Variants in AGBL1 observed in about 807,000 individuals in gnomAD.
AGBL1 encodes the protein AGBL carboxypeptidase 1, also known as cytosolic carboxypeptidase 4.
AGBL1 carries 130 observed loss-of-function variants against 118.9 expected under a neutral mutation model. The ratio of observed to expected loss-of-function variants is 1.09; its 90% CI spans 0.95 to 1.26. AGBL1 has a LOEUF of 1.26. Among genes scored for constraint, AGBL1 ranks in the 50% most tolerant of loss-of-function variants. The probability of loss-of-function intolerance (pLI) is 0.00; values close to 1 mark genes in which losing one functional copy is unlikely to be tolerated. For missense variants in AGBL1, 1,584 were observed against 1,298.1 expected (o/e 1.22, Z -3.38); for synonymous variants, 555 against 478.9 (o/e 1.16, Z -2.08).
intron 17 of AGBL1, among the ~76,000 whole-genome samples, chr15:86,369,080 A>C (rs868118811): frequency 2.6e-5 from 4 of 152,176 alleles, no homozygotes; most frequent in Admixed American, 1.3e-4. Flanking sequence ...AAAGTCTACC[A>C]ACAAGACCCT....
chr15:86,572,211 C>G (rs900143941), intron 21 of AGBL1, among the ~76,000 whole-genome samples: 1 of 151,510 alleles, frequency 6.6e-6, no homozygotes, highest in Non-Finnish European at 1.5e-5. Flanking sequence ...TTCCTGGGCC[C>G]CCAAGAACAG....
intron 21 of AGBL1, among the ~76,000 whole-genome samples, chr15:86,594,091 A>AT (rs960210173): frequency 2.4e-4 from 37 of 151,286 alleles, no homozygotes; most frequent in Admixed American, 7.3e-4. Context: ...ATGTCTGGCT[A>AT]TTTTTTTTAT....
chr15:86,349,845 A>G (rs868583112), intron 17 of AGBL1, among the ~76,000 whole-genome samples: 6 of 152,248 alleles, frequency 3.9e-5, no homozygotes, highest in Admixed American at 2.6e-4. Context: ...GGAAGGAAAG[A>G]GAAGCGTTCA....
chr15:86,284,191 T>TA (rs5814235), intron 16 of AGBL1, among the ~76,000 whole-genome samples: 2,687 of 142,808 alleles, frequency 0.019, 35 homozygotes, highest in Non-Finnish European at 0.021. Context: ...AAAATTAAAA[T>TA]AAAAAAAAAA....
intron 1 of AGBL1, among the ~76,000 whole-genome samples, chr15:86,134,730 C>G (rs943866759): frequency 2.7e-5 from 4 of 150,938 alleles, no homozygotes; most frequent in African/African-American, 7.3e-5. Context: ...TCTTCTGCCT[C>G]AGCCTCCCGA....
chr15:86,328,018 T>G (rs574060488), intron 17 of AGBL1, among the ~76,000 whole-genome samples: 6 of 152,244 alleles, frequency 3.9e-5, no homozygotes, highest in Admixed American at 6.5e-5. Context: ...AAGCCTCTGT[T>G]TTCCTCTTTC....
chr15:86,748,985 C>A (rs987892423), intron 22 of AGBL1, among the ~76,000 whole-genome samples: 4 of 152,050 alleles, frequency 2.6e-5, no homozygotes, highest in African/African-American at 9.7e-5. Context: ...ATTGTCTTGG[C>A]AATGTGGGCT....
chr15:86,982,832 G>A (rs994183920), intron 23 of AGBL1, among the ~76,000 whole-genome samples: 1 of 152,164 alleles, frequency 6.6e-6, no homozygotes, highest in Non-Finnish European at 1.5e-5. Context: ...GCTATGAGTA[G>A]TTAAGTTTCT....
intron 17 of AGBL1, among the ~76,000 whole-genome samples, chr15:86,356,355 T>TGTGTGC (rs151263305): frequency 0.024 from 3,561 of 150,980 alleles, 83 homozygotes; most frequent in African/African-American, 0.056. Flanking sequence ...TGTGTGTGTG[T>TGTGTGC]GCGCGTGCGC....
In AGBL1 at chr15:86,266,989, G is replaced by A; in HGVS notation, c.1752-1G>A. On this transcript the variant is annotated splice_acceptor_variant, in intron 12 of 22. Transcript: ENST00000614907. LOFTEE classifies it high-confidence loss of function. Reference sequence around the variant, plus strand: ...TTCACATGTTCCTTATTTCATTGTAGGCCTTTGCAAGACAATGCTTCCAAT... The same window carrying A: ...TTCACATGTTCCTTATTTCATTGTAAGCCTTTGCAAGACAATGCTTCCAAT... 6.4e-7 allele frequency: 1 copy of A among 1,564,938 alleles called. No individual in the cohort carries two copies. Among genetic ancestry groups the A allele is most frequent in the Non-Finnish European group, 8.7e-7 (1 of 1,152,794 alleles).
At chr15:86,520,023 C>G (rs2083166490) in intron 18 of AGBL1, among the ~76,000 whole-genome samples, 1 of 152,156 alleles carries the variant, frequency 6.6e-6, no homozygotes, top group African/African-American at 2.4e-5. Flanking sequence ...TCCAAGTACA[C>G]TGTTACTTAA....
At position 86,104,339 on chromosome 15, in the gene AGBL1, G is replaced by A. The variant is rs182002178; in HGVS notation, c.51+24316G>A. ...GGCTGTGTCATGGCCCTGCTGTTGG[G>A]TGGGTTGCTTTTAGTGGCAGCAGCC... On this transcript the variant is annotated intron_variant, in intron 1 of 22. Coordinates refer to ENST00000614907, the MANE Select transcript of AGBL1 (RefSeq NM_001386094.1). Among the ~76,000 whole-genome samples, 12 of 152,286 alleles carry A rather than the reference G, an allele frequency of 7.9e-5. No individual in the cohort carries two copies. In the East Asian group the frequency reaches 2.3e-3, roughly 29 times the overall value.
At chr15:86,823,865 A>C (rs539359988) in intron 22 of AGBL1, among the ~76,000 whole-genome samples, 1 of 152,168 alleles carries the variant, frequency 6.6e-6, no homozygotes, top group Non-Finnish European at 1.5e-5. Context: ...AAATTAACAA[A>C]ATTCAGTACC....
At chr15:86,616,089 C>T (rs375985743) in intron 21 of AGBL1, among the ~76,000 whole-genome samples, 18 of 152,104 alleles carry the variant, frequency 1.2e-4, no homozygotes, top group African/African-American at 4.1e-4. Flanking sequence ...GTAATCCCAG[C>T]GCTTTGGGAG....
At position 86,999,140 on chromosome 15, in the gene AGBL1, C is replaced by T. The variant is rs143466217; in HGVS notation, c.3323+11052C>T. ...TCGTCCTTCGATAGTTTGCTGAGAA[C>T]GATGGTTTCAAGCTTCATCCACGTC... On this transcript the variant is annotated intron_variant, in intron 24 of 24. Coordinates refer to the AGBL1 transcript ENST00000441037. 6.4e-3 allele frequency among the ~76,000 whole-genome samples: 964 copies of T among 149,958 alleles called. 24 individuals carry two copies. Among genetic ancestry groups the T allele is most frequent in the African/African-American group, 0.023 (914 of 40,602 alleles).
intron 24 of AGBL1, among the ~76,000 whole-genome samples, chr15:87,018,754 T>C (rs8028737): frequency 0.39 from 58,482 of 151,812 alleles, 11,777 homozygotes; most frequent in East Asian, 0.51. Flanking sequence ...GATGACAGGA[T>C]CAAACTCACA....
chr15:86,611,056 T>G (rs1255457194), intron 21 of AGBL1, among the ~76,000 whole-genome samples: 1 of 152,198 alleles, frequency 6.6e-6, no homozygotes, highest in Non-Finnish European at 1.5e-5. Flanking sequence ...AGGTCAAGAT[T>G]GAAATTGTGA....
At chr15:86,234,961 G>A (rs549265746) in intron 6 of AGBL1, among the ~76,000 whole-genome samples, 3 of 152,256 alleles carry the variant, frequency 2.0e-5, no homozygotes, top group Non-Finnish European at 4.4e-5. Context: ...TTTAGAGTCT[G>A]TCTTTTTTTC....
At chr15:86,303,629 C>G (rs1284302777) in intron 17 of AGBL1, among the ~76,000 whole-genome samples, 1 of 152,074 alleles carries the variant, frequency 6.6e-6, no homozygotes, top group Admixed American at 6.6e-5. Context: ...AAAATATACT[C>G]TATTTTAGAG....
Sources: allele counts gnomAD v4.1 joint callset (sites outside exome capture counted in the v4.1 genomes callset), GRCh38; gene constraint gnomAD v4.1.1; transcripts MANE v1.5; gene names NCBI Gene and HGNC (gene_info 2026-07-23, HGNC 2026-07-21).